LHX6: variants seen among roughly 807,000 people sequenced by gnomAD.
LHX6 encodes the protein LIM/homeobox protein Lhx6.
LHX6 carries 15 observed loss-of-function variants against 47.1 expected under a neutral mutation model. The ratio of observed to expected loss-of-function variants is 0.32; its 90% CI spans 0.21 to 0.49. The LOEUF is 0.49. Ranked by LOEUF, LHX6 falls within the 20% of genes least tolerant of loss-of-function variation. LHX6 has a pLI of 0.99. For missense variants in LHX6, 404 were observed against 539.6 expected, an observed-to-expected ratio of 0.75 and a Z score of 2.49; for synonymous variants, 242 against 233.5, an observed-to-expected ratio of 1.04 and a Z score of -0.33.
intron 4 of LHX6, chr9:122,221,402 C>T (rs1830850996): frequency 2.0e-6 from 2 of 985,512 alleles, no homozygotes; most frequent in African/African-American, 1.7e-5. Flanking sequence ...CTCTGCGCTT[C>T]CCCTGGGACC....
rs539074407 is a variant in LHX6 at position 122,220,071 on chromosome 9, C to G, written c.462-2783G>C. ...GCGCTTGGCTCGTGGGATTCTTTCC[C>G]CCTTGGCCAGGGACACGTCAAAGAC... On this transcript the variant is annotated intron_variant, in intron 4 of 9. Coordinates refer to ENST00000394319, the MANE Select transcript of LHX6 (RefSeq NM_014368.5). 3.9e-5 allele frequency among the ~76,000 whole-genome samples: 6 copies of G among 152,376 alleles called. No individual in the cohort carries two copies. In the South Asian group the frequency reaches 6.2e-4, roughly 16 times the overall value.
chr9:122,204,492 G>C lies in LHX6; in HGVS notation c.*268C>G. ...GTTGAAGAGGACTCCTGTTTAAATG[G>C]GAAAAACAGGCTGTTTCCACCCTGA... On this transcript the variant is annotated 3_prime_UTR_variant, in exon 10 of 10. Transcript: ENST00000394319. The C allele has an allele frequency of 2.4e-6, 1 of 414,442 alleles. No homozygotes were observed. Among genetic ancestry groups the C allele is most frequent in the South Asian group, 9.2e-5 (1 of 10,912 alleles). The allele number at this position is 414,442 out of a possible 1,614,324, so 25.7% of individuals were successfully genotyped here.
Position 122,202,647 on chromosome 9 carries a change from A to G in LHX6, c.*2113T>C, listed in dbSNP as rs954228612. On this transcript the variant is annotated 3_prime_UTR_variant, in exon 10 of 10. Coordinates refer to ENST00000394319, the MANE Select transcript of LHX6 (RefSeq NM_014368.5). ...TACACAAATAAGACATTTACAAAGC[A>G]CGACATGAAAGGTATGTAACAAAAC... 1 of 152,652 alleles carries G rather than the reference A, an allele frequency of 6.6e-6. No individual in the cohort carries two copies. The highest frequency in any genetic ancestry group is 2.4e-5 in the African/African-American group (1 of 41,458). 9.5% of individuals were successfully genotyped at this position (152,652 alleles called of 1,614,324 possible).
chr9:122,221,444 G>A (rs1352866889), intron 4 of LHX6: 4 of 985,374 alleles, frequency 4.1e-6, no homozygotes, highest in South Asian at 4.7e-5. Flanking sequence ...GGCTTCTCCC[G>A]CTGGAGCCCG....
At chr9:122,208,001 G>A (rs1374931588) in intron 9 of LHX6, among the ~76,000 whole-genome samples, 1 of 152,044 alleles carries the variant, frequency 6.6e-6, no homozygotes, top group African/African-American at 2.4e-5. Context: ...TCCCTCCGAG[G>A]GACTGCCACA....
rs1831226735 is a variant in LHX6, at chr9:122,228,928, G to T, written c.-188C>A. On this transcript the variant is annotated 5_prime_UTR_variant, in exon 1 of 10. Coordinates refer to ENST00000394319, the MANE Select transcript of LHX6 (RefSeq NM_014368.5). Reference sequence around the variant, plus strand: ...CGCAGCCCCGGCCTCCCTGGCTGCTGCCGCCGCTGCCTCGGAAGAAGGTCC... The same window carrying T: ...CGCAGCCCCGGCCTCCCTGGCTGCTTCCGCCGCTGCCTCGGAAGAAGGTCC... 1 of 202,110 alleles carries T rather than the reference G, an allele frequency of 4.9e-6. No individual in the cohort carries two copies. Among genetic ancestry groups the T allele is most frequent in the Non-Finnish European group, 9.6e-6 (1 of 104,096 alleles). 12.5% of individuals were successfully genotyped at this position (202,110 alleles called of 1,614,324 possible).
chr9:122,220,950 C>G (rs1207186508), intron 4 of LHX6: 1 of 265,908 alleles, frequency 3.8e-6, no homozygotes, highest in Non-Finnish European at 5.8e-6. Flanking sequence ...ACGAAAGAGC[C>G]CATCTGAGTT....
At chr9:122,227,336 GA>G (rs986238077) in intron 2 of LHX6, 72 bp downstream of exon 2, 145 of 1,374,920 alleles carry the variant, frequency 1.1e-4, no homozygotes, top group Non-Finnish European at 1.3e-4. Flanking sequence ...TTCGTGGCCG[GA>G]AAACCTGGCC....
intron 4 of LHX6, among the ~76,000 whole-genome samples, chr9:122,225,723 C>T (rs985280816): frequency 3.9e-5 from 6 of 152,326 alleles, no homozygotes; most frequent in African/African-American, 1.4e-4. Context: ...ACCCCAGGCT[C>T]AGAATGCGAC....
Position 122,226,953 on chromosome 9 carries a change from C to G in LHX6, c.234G>C (p.Thr78=). Residue 78 remains threonine, a synonymous_variant, in exon 3 of 10, where the codon ACG becomes ACC. Transcript: ENST00000394319. This position sits in a 1 kb window ranked among gnomAD's most constrained non-coding sequence, Gnocchi z 6.5. ...EGQASPCTPS[T]PSVCSPPSAA... ...CAGAGGGCGGTGAGCAGACAGATGG[C>G]GTGCTGGGCGTACATGGGGAGGCCT... 1 of 1,554,260 alleles carries G rather than the reference C, an allele frequency of 6.4e-7. No individual in the cohort carries two copies.
intron 8 of LHX6, among the ~76,000 whole-genome samples, chr9:122,212,720 C>T (rs1361251225): frequency 6.6e-6 from 1 of 152,164 alleles, no homozygotes; most frequent in Admixed American, 6.5e-5. Context: ...CCTGCATCTC[C>T]GCCACAGTAC....
chr9:122,218,624 C>T (rs1446173885), intron 4 of LHX6, among the ~76,000 whole-genome samples: 1 of 152,144 alleles, frequency 6.6e-6, no homozygotes, highest in Non-Finnish European at 1.5e-5. Context: ...CACATGAAAT[C>T]CTGTTTCTGC....
intron 4 of LHX6, among the ~76,000 whole-genome samples, chr9:122,223,061 T>C (rs1001411841): frequency 1.3e-5 from 2 of 152,170 alleles, no homozygotes; most frequent in African/African-American, 4.8e-5. Context: ...AGGAAGAACT[T>C]CCTCATAGCA....
intron 4 of LHX6, among the ~76,000 whole-genome samples, chr9:122,218,500 C>T (rs1830684600): frequency 6.6e-6 from 1 of 152,124 alleles, no homozygotes; most frequent in South Asian, 2.1e-4. Context: ...CCTCCTAGGC[C>T]AGGCTCCCAT....
At chr9:122,227,113 G>A (rs1307828754) in intron 2 of LHX6, 83 bp from the exon 3 acceptor site, 6 of 1,293,832 alleles carry the variant, frequency 4.6e-6, no homozygotes, top group Non-Finnish European at 4.1e-6. Context: ...TGGGGCCCCC[G>A]AGCACCAATT....
At position 122,228,890 on chromosome 9, in the gene LHX6, C is replaced by T. The variant is rs2118927913; in HGVS notation, c.-150G>A. 3 of 342,446 alleles carry T rather than the reference C, an allele frequency of 8.8e-6. No homozygotes were observed. The highest frequency in any genetic ancestry group is 1.0e-3 in the Middle Eastern group (1 of 974). 21.2% of individuals were successfully genotyped at this position (342,446 alleles called of 1,614,324 possible). On this transcript the variant is annotated 5_prime_UTR_variant, in exon 1 of 10. Transcript: ENST00000394319. ...GCCCCGGGCCCGGCCTCAGCCCCCG[C>T]CCCCGGCCCGCGCGCAGCCCCGGCC...
chr9:122,206,911 G>C (rs1255997741), intron 9 of LHX6, among the ~76,000 whole-genome samples: 3 of 152,144 alleles, frequency 2.0e-5, no homozygotes, highest in African/African-American at 7.2e-5. Context: ...CGGTTCTCTT[G>C]ATGTGGAACA....
chr9:122,202,662 T>G lies in LHX6; in HGVS notation c.*2098A>C, dbSNP rs1830034143. 6.6e-6 allele frequency: 1 copy of G among 152,660 alleles called. No homozygotes were observed. Among genetic ancestry groups the G allele is most frequent in the Non-Finnish European group, 1.5e-5 (1 of 68,042 alleles). The allele number at this position is 152,660 out of a possible 1,614,324, so 9.5% of individuals were successfully genotyped here. On this transcript the variant is annotated 3_prime_UTR_variant, in exon 10 of 10. Transcript: ENST00000394319. Reference sequence around the variant, plus strand: ...TTTACAAAGCACGACATGAAAGGTATGTAACAAAACAGACATTGGTTTTAC... The same window carrying G: ...TTTACAAAGCACGACATGAAAGGTAGGTAACAAAACAGACATTGGTTTTAC...
rs538376814 is a variant in LHX6 at position 122,224,304 on chromosome 9, T to A, written c.461+2072A>T. 8.6e-4 allele frequency among the ~76,000 whole-genome samples: 131 copies of A among 152,126 alleles called. 3 individuals carry two copies. In the South Asian group the frequency reaches 0.025, roughly 29 times the overall value. ...CCTCCCAAAGTGCTGCGATTATAGG[T>A]GTGAGCCACCACACCCGGCCCATCT... On this transcript the variant is annotated intron_variant, in intron 4 of 9. Transcript: ENST00000394319.
Sources: allele counts gnomAD v4.1 joint callset (sites outside exome capture counted in the v4.1 genomes callset), GRCh38; gene constraint gnomAD v4.1.1; non-coding constraint Gnocchi (gnomAD v3.1); transcripts MANE v1.5; gene names NCBI Gene and HGNC (gene_info 2026-07-23, HGNC 2026-07-21).